The following CLSPN variants were observed in gnomAD, a reference collection of about 807,000 sequenced individuals.
CLSPN encodes the protein claspin homolog.
In CLSPN, 85 loss-of-function variants were observed where a neutral mutation model predicts 156.3. That is an observed-to-expected ratio of 0.54 (90% CI 0.46 to 0.65). CLSPN has a LOEUF of 0.65. Among genes scored for constraint, CLSPN ranks in the 30% least tolerant of loss-of-function variants. CLSPN has a pLI of 0.00. For missense variants in CLSPN, 1,407 were observed against 1,554.9 expected (o/e 0.90, Z 1.60); for synonymous variants, 534 against 542.4 (o/e 0.98, Z 0.22).
chr1:35,733,841 G>C lies in CLSPN; in HGVS notation c.*2655C>G, dbSNP rs375988658. On this transcript the variant is annotated 3_prime_UTR_variant, in exon 25 of 25. Transcript: ENST00000318121. ...AAAATAAAATAATTAGCTGGGCATG[G>C]TGGCATATGCCTGTAATGTGGCCCA... 2.0e-6 allele frequency: 1 copy of C among 503,594 alleles called. No homozygotes were observed. The highest frequency in any genetic ancestry group is 1.6e-4 in the East Asian group (1 of 6,450). 31.2% of individuals were successfully genotyped at this position (503,594 alleles called of 1,614,324 possible).
chr1:35,750,999 G>A (rs1642063839), intron 10 of CLSPN, among the ~76,000 whole-genome samples: 1 of 151,356 alleles, frequency 6.6e-6, no homozygotes, highest in African/African-American at 2.4e-5. Context: ...ACAGGTGGAA[G>A]CCCAGGCAAT....
rs563765593 is a variant in CLSPN at position 35,723,668 on chromosome 1, C to T, written c.3910-2688G>A. On this transcript the variant is annotated intron_variant, in intron 24 of 24. Coordinates refer to the CLSPN transcript ENST00000251195. ...AATTCAGAGCAGAATCAGAACTGGT[C>T]GTGGTCTTGGGGAGCTCCTTGTTTA... Among the ~76,000 whole-genome samples, 6 of 152,184 alleles carry T rather than the reference C, an allele frequency of 3.9e-5. No homozygotes were observed. In the East Asian group the frequency reaches 7.7e-4, roughly 20 times the overall value.
intron 18 of CLSPN, among the ~76,000 whole-genome samples, chr1:35,742,535 T>C (rs1054537795): frequency 6.6e-6 from 1 of 151,418 alleles, no homozygotes; most frequent in Non-Finnish European, 1.5e-5. Context: ...CTAATTTTTG[T>C]ATTTTATTTT....
chr1:35,750,052 G>A (rs1251048147), intron 10 of CLSPN, among the ~76,000 whole-genome samples: 4 of 151,140 alleles, frequency 2.6e-5, no homozygotes, highest in South Asian at 4.2e-4. Flanking sequence ...TATAAAGGAC[G>A]ACTGGATTAT....
chr1:35,752,166 C>T (rs986225219), intron 9 of CLSPN, among the ~76,000 whole-genome samples: 5 of 152,098 alleles, frequency 3.3e-5, no homozygotes, highest in African/African-American at 7.2e-5. Context: ...ATATCTGGCA[C>T]TATAATATAA....
rs202083718 is a variant in CLSPN, at chr1:35,746,561, ATT to A, written c.2854+203_2854+204del. Reference sequence around the variant, plus strand: ...AGGCACGTGCCACCATGCCTGGCTAATTTTTTTTTTTTTTTTCGTAGAGATGG... The same window carrying A: ...AGGCACGTGCCACCATGCCTGGCTAATTTTTTTTTTTTTTCGTAGAGATGG... On this transcript the variant is annotated intron_variant, in intron 15 of 24. Transcript: ENST00000318121. The surrounding 1 kb of genome is among the most constrained non-coding windows in gnomAD (Gnocchi z 4.2). 1.3e-3 allele frequency among the ~76,000 whole-genome samples: 173 copies of A among 136,102 alleles called. No homozygotes were observed. Among genetic ancestry groups the A allele is most frequent in the Non-Finnish European group, 2.3e-3 (141 of 62,252 alleles). The allele number at this position is 136,102 out of a possible 152,430, so 89.3% of individuals were successfully genotyped here. A position where few individuals can be genotyped will look rare whatever the true frequency, so the allele number is the denominator to read the frequency against.
At chr1:35,730,342 G>A (rs989967303), downstream of CLSPN, among the ~76,000 whole-genome samples, 2 of 152,040 alleles carry the variant, frequency 1.3e-5, no homozygotes, top group East Asian at 1.9e-4. Context: ...TCAGGAGTTC[G>A]AGATCAGCCT....
downstream of CLSPN, among the ~76,000 whole-genome samples, chr1:35,730,250 T>C (rs1206340813): frequency 6.6e-6 from 1 of 151,928 alleles, no homozygotes; most frequent in Non-Finnish European, 1.5e-5. Context: ...CCCAAAAGAA[T>C]GGGAAACCTA....
chr1:35,725,966 A>T (rs1474411130), intron 24 of CLSPN, among the ~76,000 whole-genome samples: 1 of 151,812 alleles, frequency 6.6e-6, no homozygotes. Flanking sequence ...TCCCACTTGT[A>T]ATGTTTTGCC....
chr1:35,751,531 T>G, intron 9 of CLSPN, 25 bp from the exon 10 acceptor site: 1 of 1,600,884 alleles, frequency 6.2e-7, no homozygotes, highest in Non-Finnish European at 8.5e-7. Context: ...GTAGAAATGC[T>G]TTAGACATAA....
In CLSPN at chr1:35,733,325, T is replaced by TC. The variant is rs202083923; in HGVS notation, c.*3170_*3171insG. 4.4e-4 allele frequency: 108 copies of TC among 247,776 alleles called. No individual in the cohort carries two copies. The highest frequency in any genetic ancestry group is 5.5e-4 in the Non-Finnish European group (87 of 156,894). The allele number at this position is 247,776 out of a possible 1,614,324, so 15.3% of individuals were successfully genotyped here. On this transcript the variant is annotated 3_prime_UTR_variant, in exon 25 of 25. Transcript: ENST00000318121. ...ACTAATTTTCTTTTTTTTTTCTTTT[T>TC]TTTTTTTTTTTTAGAGTTGGGATTT...
At chr1:35,750,370 AG>A (rs1391091917) in intron 10 of CLSPN, among the ~76,000 whole-genome samples, 1 of 151,600 alleles carries the variant, frequency 6.6e-6, no homozygotes, top group Non-Finnish European at 1.5e-5. Flanking sequence ...AATAAAATAA[AG>A]TGATCCCAGC....
intron 22 of CLSPN, chr1:35,737,734 G>T (rs900986071): frequency 4.5e-6 from 2 of 445,836 alleles, no homozygotes; most frequent in Non-Finnish European, 8.0e-6. Flanking sequence ...GGCAACTAGA[G>T]AAAGCCAGAA....
chr1:35,738,377 C>T (rs1641555511), intron 21 of CLSPN, 78 bp downstream of exon 21: 1 of 1,446,612 alleles, frequency 6.9e-7, no homozygotes, highest in African/African-American at 1.4e-5. Context: ...ACTATCATGA[C>T]AAGCTAAGAT....
At chr1:35,743,036 TTCAGCC>T (rs1641749352) in intron 18 of CLSPN, 99 bp downstream of exon 18, 2 of 827,668 alleles carry the variant, frequency 2.4e-6, no homozygotes, top group African/African-American at 3.4e-5. Flanking sequence ...ATCCGCCTGC[TTCAGCC>T]TCCCAAAATG....
Position 35,738,055 on chromosome 1 carries a change from C to A in CLSPN, c.3601G>T (p.Gly1201Trp). 6.8e-7 allele frequency: 1 copy of A among 1,461,228 alleles called. No individual in the cohort carries two copies. Among genetic ancestry groups the A allele is most frequent in the Admixed American group, 1.9e-5 (1 of 51,486 alleles). 90.5% of individuals were successfully genotyped at this position (1,461,228 alleles called of 1,614,324 possible). ...AGTATCATAAACTGACTGTCCTCCC[C>A]AATTTCTTCTTCTTCTTCAGCTGTA... ...KITAEEEEEI[G>W]EDSQFMILAK... The change falls in exon 22 of 25, where the codon GGG (glycine) becomes TGG (tryptophan). Residue 1201 changes from glycine (G) to tryptophan (W), a missense_variant. Gly to Trp is a radical substitution (Grantham distance 184, BLOSUM62 -2). Transcript: ENST00000318121.
Position 35,726,702 on chromosome 1 carries a change from T to G in CLSPN, c.3910-5722A>C, listed in dbSNP as rs374990873. 2.0e-4 allele frequency among the ~76,000 whole-genome samples: 30 copies of G among 152,228 alleles called. No homozygotes were observed. The East Asian group carries it at 4.8e-3, about 24-fold the overall frequency. On this transcript the variant is annotated intron_variant, in intron 24 of 24. Transcript: ENST00000251195. Reference sequence around the variant, plus strand: ...TACTGGCCCCAAGCTTGTAATTACCTTGTCACACAGAAAACAAATCTATTG... The same window carrying G: ...TACTGGCCCCAAGCTTGTAATTACCGTGTCACACAGAAAACAAATCTATTG...
chr1:35,764,173 G>A, intron 3 of CLSPN, 93 bp downstream of exon 3: 1 of 738,890 alleles, frequency 1.4e-6, no homozygotes, highest in Non-Finnish European at 2.2e-6. Context: ...CAAAGCAATA[G>A]TCAGAGAGCA....
intron 10 of CLSPN, 57 bp from the exon 11 acceptor site, chr1:35,749,868 A>G: frequency 6.4e-7 from 1 of 1,566,766 alleles, no homozygotes; most frequent in Non-Finnish European, 8.6e-7. Flanking sequence ...TTTAAAAGCA[A>G]ATACACTGGT....
Sources: allele counts gnomAD v4.1 joint callset (sites outside exome capture counted in the v4.1 genomes callset), GRCh38; gene constraint gnomAD v4.1.1; non-coding constraint Gnocchi (gnomAD v3.1); transcripts MANE v1.5; gene names NCBI Gene and HGNC (gene_info 2026-07-23, HGNC 2026-07-21).